LIMS1: variants seen among roughly 807,000 people sequenced by gnomAD.
The protein encoded by LIMS1 is LIM and senescent cell antigen-like-containing domain protein 1.
A neutral mutation model predicts 44.1 loss-of-function variants in LIMS1; 18 were observed. The observed-to-expected ratio is 0.41, with a 90% CI of 0.28 to 0.61. LIMS1 has a LOEUF of 0.61. Ranked by LOEUF, LIMS1 falls within the 20% of genes least tolerant of loss-of-function variation. LIMS1 has a pLI of 0.32. For synonymous variants in LIMS1, 93 were observed against 149.1 expected (o/e 0.62, Z 2.74); for missense variants, 201 against 422.0 (o/e 0.48, Z 4.59).
intron 2 of LIMS1, among the ~76,000 whole-genome samples, chr2:108,665,359 T>C (rs1009105808): frequency 4.6e-5 from 7 of 152,068 alleles, no homozygotes; most frequent in African/African-American, 1.7e-4. Flanking sequence ...GTATTGTGTA[T>C]CTAAAAGTAT....
chr2:108,536,301 C>T (rs1386187790), intron 1 of LIMS1, among the ~76,000 whole-genome samples: 1 of 152,214 alleles, frequency 6.6e-6, no homozygotes, highest in Non-Finnish European at 1.5e-5. Context: ...AACTCTGTAC[C>T]TATTAAACAA....
exon 10 of LIMS1, chr2:108,684,733 G>A (rs1355270168): frequency 6.6e-6 from 1 of 151,928 alleles, no homozygotes; most frequent in African/African-American, 2.4e-5. Flanking sequence ...TACAATATTG[G>A]AAAATGAAGT....
chr2:108,628,702 GT>G (rs1213022357), intron 1 of LIMS1, among the ~76,000 whole-genome samples: 2 of 152,300 alleles, frequency 1.3e-5, no homozygotes, highest in East Asian at 3.9e-4. Flanking sequence ...CTGACCTCAG[GT>G]GATCCACCCT....
intron 1 of LIMS1, among the ~76,000 whole-genome samples, chr2:108,592,814 A>T (rs568700160): frequency 2.3e-4 from 35 of 152,356 alleles, no homozygotes; most frequent in Admixed American, 2.6e-4. Flanking sequence ...AATAGTATTT[A>T]ATCTGTGAGT....
At chr2:108,677,882 A>G in intron 7 of LIMS1, 97 bp from the exon 8 acceptor site, 1 of 1,523,332 alleles carries the variant, frequency 6.6e-7, no homozygotes, top group African/African-American at 1.4e-5. Context: ...TCTAGTAGTG[A>G]TAAATCCTCA....
At chr2:108,666,998 A>G (rs1163217052) in intron 2 of LIMS1, among the ~76,000 whole-genome samples, 1 of 151,248 alleles carries the variant, frequency 6.6e-6, no homozygotes, top group African/African-American at 2.4e-5. Context: ...CGGAGGCTTC[A>G]TTATGTAGGC....
chr2:108,620,295 G>T (rs927798348), intron 1 of LIMS1, among the ~76,000 whole-genome samples: 10 of 152,156 alleles, frequency 6.6e-5, no homozygotes, highest in Non-Finnish European at 1.2e-4. Context: ...TGTCGAGAAG[G>T]TTCTAAAAGG....
intron 1 of LIMS1, among the ~76,000 whole-genome samples, chr2:108,540,594 G>T (rs1573291511): frequency 6.6e-6 from 1 of 152,290 alleles, no homozygotes; most frequent in African/African-American, 2.4e-5. Context: ...GACAATCATG[G>T]TGACATGAAG....
intron 1 of LIMS1, among the ~76,000 whole-genome samples, chr2:108,536,799 T>G (rs1285003047): frequency 6.6e-6 from 1 of 152,174 alleles, no homozygotes; most frequent in African/African-American, 2.4e-5. Flanking sequence ...TCCAGGCTAG[T>G]CTGGGGGTCC....
chr2:108,616,897 T>G (rs1028086709), intron 1 of LIMS1, among the ~76,000 whole-genome samples: 5 of 152,156 alleles, frequency 3.3e-5, no homozygotes, highest in Non-Finnish European at 7.3e-5. Context: ...TTGGACATAG[T>G]ATGGAGGGAT....
rs138970063 is a variant in LIMS1 at position 108,611,836 on chromosome 2, A to AATATATAT, written c.33-47757_33-47750dup. Among the ~76,000 whole-genome samples the AATATATAT allele has an allele frequency of 2.2e-3, 286 of 130,950 alleles. 2 individuals are homozygous for AATATATAT. The highest frequency in any genetic ancestry group is 7.1e-3 in the South Asian group (29 of 4,066). The allele number at this position is 130,950 out of a possible 152,430, so 85.9% of individuals were successfully genotyped here. On this transcript the variant is annotated intron_variant, in intron 1 of 9. Coordinates refer to ENST00000544547, the Ensembl canonical transcript of LIMS1. ...GAAGTTGCTGTGAACCATGATCTAA[A>AATATATAT]ATATATATATATATATATACACACA...
intron 1 of LIMS1, among the ~76,000 whole-genome samples, chr2:108,626,185 G>C (rs1419327577): frequency 6.6e-6 from 1 of 152,112 alleles, no homozygotes; most frequent in Non-Finnish European, 1.5e-5. Context: ...TCACTTTTTG[G>C]CCCAACTTTT....
Position 108,679,848 on chromosome 2 carries a change from G to C in LIMS1, c.824-847G>C, listed in dbSNP as rs529104952. ...GAAGATTGCTTGAGCCCAGGAGTTC[G>C]AGCTGTGATCGCACCACTGCAATAC... On this transcript the variant is annotated intron_variant, in intron 8 of 9. Transcript: ENST00000544547. Among the ~76,000 whole-genome samples the C allele has an allele frequency of 2.0e-5, 3 of 151,442 alleles. No homozygotes were observed. The East Asian group carries it at 5.8e-4, about 29-fold the overall frequency.
intron 1 of LIMS1, among the ~76,000 whole-genome samples, chr2:108,588,148 A>G (rs941164176): frequency 9.2e-5 from 14 of 152,212 alleles, no homozygotes; most frequent in African/African-American, 3.4e-4. Context: ...TCTTAACTTC[A>G]TAAAGTATAT....
chr2:108,618,129 G>A (rs970131237), intron 1 of LIMS1, among the ~76,000 whole-genome samples: 1 of 152,140 alleles, frequency 6.6e-6, no homozygotes, highest in Non-Finnish European at 1.5e-5. Context: ...GGAAAATGAC[G>A]GTGGGGAATT....
At chr2:108,621,246 G>GA in intron 1 of LIMS1, 2 of 1,499,818 alleles carry the variant, frequency 1.3e-6, no homozygotes, top group Non-Finnish European at 1.8e-6. Context: ...TTCTAAGGCT[G>GA]AGTCAGGTGT....
chr2:108,679,773 G>A (rs1344365565), intron 8 of LIMS1, among the ~76,000 whole-genome samples: 1 of 141,486 alleles, frequency 7.1e-6, no homozygotes, highest in Non-Finnish European at 1.6e-5. Flanking sequence ...AAATTAGCCA[G>A]GTGTGGTAGC....
Position 108,626,010 on chromosome 2 carries a change from A to G in LIMS1, c.33-33595A>G, listed in dbSNP as rs187550732. ...TGTGTGTGTGGGCCCACCATGTCTC[A>G]TGATCCCGTAAGAGAGAAAGAACTG... On this transcript the variant is annotated intron_variant, in intron 1 of 9. Coordinates refer to ENST00000544547, the Ensembl canonical transcript of LIMS1. 2.6e-5 allele frequency among the ~76,000 whole-genome samples: 4 copies of G among 152,300 alleles called. No homozygotes were observed. In the East Asian group the frequency reaches 7.7e-4, roughly 29 times the overall value.
At chr2:108,551,177 G>A (rs2378137) in intron 1 of LIMS1, among the ~76,000 whole-genome samples, 94,698 of 151,352 alleles carry the variant, frequency 0.63, 30,206 homozygotes, top group East Asian at 0.96. Context: ...TAATTTAAAT[G>A]CTATAAAATT....
Sources: allele counts gnomAD v4.1 joint callset (sites outside exome capture counted in the v4.1 genomes callset), GRCh38; gene constraint gnomAD v4.1.1; transcripts MANE v1.5; gene names NCBI Gene and HGNC (gene_info 2026-07-23, HGNC 2026-07-21).